MYCBP2: variants seen among roughly 807,000 people sequenced by gnomAD.
MYCBP2 encodes E3 ubiquitin-protein ligase MYCBP2.
A neutral mutation model predicts 525.3 loss-of-function variants in MYCBP2; 120 were observed. That is an observed-to-expected ratio of 0.23 (90% CI 0.20 to 0.27). The LOEUF (loss-of-function observed/expected upper bound fraction) is 0.27. MYCBP2 is among the 10% of genes least tolerant of loss of function. The pLI is 1.00. For missense variants in MYCBP2, 4,149 were observed against 5,657.1 expected (o/e 0.73, Z 8.55); for synonymous variants, 1,894 against 1,955.8 (o/e 0.97, Z 0.83).
At chr13:77,115,528 T>G (rs1214522161) in intron 55 of MYCBP2, among the ~76,000 whole-genome samples, 2 of 151,900 alleles carry the variant, frequency 1.3e-5, no homozygotes. Context: ...TTTCTACGTA[T>G]ATAAAATCAA....
intron 26 of MYCBP2, among the ~76,000 whole-genome samples, chr13:77,199,448 G>A (rs1320309432): frequency 2.0e-5 from 3 of 152,300 alleles, no homozygotes; most frequent in Non-Finnish European, 2.9e-5. Context: ...ACTGCAAGGC[G>A]GCAGCGAGGC....
In MYCBP2 at chr13:77,268,051, A is replaced by G. The variant is rs565417531; in HGVS notation, c.1261-114T>C. The G allele has an allele frequency of 3.2e-6, 2 of 624,368 alleles. 1 individual carries two copies. Among genetic ancestry groups the G allele is most frequent in the East Asian group, 5.5e-5 (2 of 36,280 alleles). 38.7% of individuals were successfully genotyped at this position (624,368 alleles called of 1,614,324 possible). On this transcript the variant is annotated intron_variant, in intron 7 of 82. Transcript: ENST00000544440. ...GAGGTACAATAATACATCAATATTG[A>G]TGTCTAAAAGATATTAATGATTAAA...
intron 20 of MYCBP2, among the ~76,000 whole-genome samples, chr13:77,224,031 G>C (rs571123957): frequency 6.6e-6 from 1 of 152,278 alleles, no homozygotes; most frequent in East Asian, 1.9e-4. Flanking sequence ...TTATTCAAAA[G>C]CTTCAATGAC....
chr13:77,166,438 T>C lies in MYCBP2; in HGVS notation c.6231A>G (p.Ser2077=). Residue 2077 remains serine, a synonymous_variant, in exon 41 of 83, where the codon TCA becomes TCG. Transcript: ENST00000544440. ...LLIPVRTVQN[S]GYGPKLTSVH... Reference sequence around the variant, plus strand: ...CAGATGTCAATTTTGGTCCATATCCTGAATTCTGAACAGTTCTGACAGGAA... The same window carrying C: ...CAGATGTCAATTTTGGTCCATATCCCGAATTCTGAACAGTTCTGACAGGAA... 6.2e-7 allele frequency: 1 copy of C among 1,614,040 alleles called. No individual in the cohort carries two copies. Among genetic ancestry groups the C allele is most frequent in the Non-Finnish European group, 8.5e-7 (1 of 1,179,908 alleles).
chr13:77,255,267 C>T (rs1443454590), intron 14 of MYCBP2, among the ~76,000 whole-genome samples: 2 of 151,936 alleles, frequency 1.3e-5, no homozygotes, highest in Admixed American at 6.6e-5. Flanking sequence ...CACATTCTCC[C>T]CAGCATCTGT....
Position 77,081,846 on chromosome 13 carries a change from A to T in MYCBP2, c.11184T>A (p.Ala3728=). The change falls in exon 64 of 83, where the codon GCT becomes GCA. Residue 3728 remains alanine (A), a synonymous_variant. Coordinates refer to ENST00000544440, the MANE Select transcript of MYCBP2 (RefSeq NM_015057.5). The surrounding 1 kb of genome is among the most constrained non-coding windows in gnomAD (Gnocchi z 4.6). ...AACTGAAATGACTGACCTGACTCAT[A>T]GCTTCAAAGCCAGACTGTATACTGA... ...FSISIQSGFE[A]MSQELCIVMC... 6.2e-7 allele frequency: 1 copy of T among 1,612,262 alleles called. No homozygotes were observed. Among genetic ancestry groups the T allele is most frequent in the Non-Finnish European group, 8.5e-7 (1 of 1,179,288 alleles).
intron 30 of MYCBP2, among the ~76,000 whole-genome samples, chr13:77,186,343 T>A (rs557614610): frequency 6.6e-6 from 1 of 152,318 alleles, no homozygotes; most frequent in African/African-American, 2.4e-5. Flanking sequence ...AATAAATTTT[T>A]CAGTGTTCCT....
chr13:77,272,434 C>T (rs2075023118), intron 5 of MYCBP2: 1 of 152,190 alleles, frequency 6.6e-6, no homozygotes, highest in Non-Finnish European at 1.5e-5. Flanking sequence ...AATTCATAAG[C>T]TCATATGTTG....
chr13:77,111,552 G>A lies in MYCBP2; in HGVS notation c.8140+9821C>T, dbSNP rs188709987. Among the ~76,000 whole-genome samples, 3 of 150,974 alleles carry A rather than the reference G, an allele frequency of 2.0e-5. No individual in the cohort carries two copies. In the Admixed American group the frequency reaches 2.0e-4, roughly 10 times the overall value. ...CTGCTTCAGCCTCCCAAGTAGCCAG[G>A]AATATAGGTGCAGCCCTCAATGCTT... On this transcript the variant is annotated intron_variant, in intron 55 of 82. Transcript: ENST00000544440.
chr13:77,107,667 G>C (rs1301728879), intron 55 of MYCBP2, among the ~76,000 whole-genome samples: 1 of 152,140 alleles, frequency 6.6e-6, no homozygotes. Context: ...GAGCCTGGGA[G>C]AGGGAGGTTG....
At chr13:77,122,891 C>T (rs2051001088) in intron 54 of MYCBP2, among the ~76,000 whole-genome samples, 1 of 152,090 alleles carries the variant, frequency 6.6e-6, no homozygotes, top group Non-Finnish European at 1.5e-5. Flanking sequence ...TACTCTTCAG[C>T]ATGCAATATT....
intron 26 of MYCBP2, among the ~76,000 whole-genome samples, chr13:77,203,023 T>G (rs2062821343): frequency 6.6e-6 from 1 of 151,030 alleles, no homozygotes; most frequent in African/African-American, 2.4e-5. Context: ...CTATTCAACA[T>G]AGTGTTGGAA....
At chr13:77,273,927 G>C (rs907635134) in intron 4 of MYCBP2, among the ~76,000 whole-genome samples, 5 of 152,062 alleles carry the variant, frequency 3.3e-5, no homozygotes, top group African/African-American at 1.2e-4. Context: ...AAACAAGCTT[G>C]CCTAGAGGCA....
At chr13:77,286,368 G>T (rs1286798146) in intron 3 of MYCBP2, among the ~76,000 whole-genome samples, 1 of 151,920 alleles carries the variant, frequency 6.6e-6, no homozygotes, top group African/African-American at 2.4e-5. Context: ...AAAGCAATAT[G>T]CATAAGTCAT....
At chr13:77,217,110 G>A (rs1233687172) in intron 21 of MYCBP2, among the ~76,000 whole-genome samples, 2 of 152,192 alleles carry the variant, frequency 1.3e-5, no homozygotes, top group African/African-American at 4.8e-5. Context: ...CAATCTTTCT[G>A]TAAGTTTGAA....
In MYCBP2 at chr13:77,263,636, A is replaced by T. The variant is rs779232939; in HGVS notation, c.1570+15T>A. 2 of 1,600,844 alleles carry T rather than the reference A, an allele frequency of 1.2e-6. No homozygotes were observed. Among genetic ancestry groups the T allele is most frequent in the South Asian group, 1.1e-5 (1 of 88,752 alleles). On this transcript the variant is annotated intron_variant, in intron 10 of 82. Transcript: ENST00000544440. ...AAATTAAAATATAGGGAAAACACTT[A>T]ATTTGCTATCTTACTTATAATATGC...
In MYCBP2 at chr13:77,093,332, C is replaced by T. The variant is rs749235738; in HGVS notation, c.10200G>A (p.Arg3400=). The T allele has an allele frequency of 2.5e-6, 4 of 1,612,228 alleles. No homozygotes were observed. In the South Asian group the frequency reaches 4.4e-5, roughly 18 times the overall value. Residue 3400 remains arginine, a splice_region_variant and synonymous_variant, in exon 59 of 83, where the codon AGG becomes AGA. Coordinates refer to ENST00000544440, the MANE Select transcript of MYCBP2 (RefSeq NM_015057.5). ...AGCCCACAAAATTTTCATGATGATG[C>T]CTGCATTAAATCAAACCCAATAACT... ...MPCLYLQTLA[R]HHHENFVGYQ...
At chr13:77,180,391 T>G (rs2060106382) in intron 33 of MYCBP2, 73 bp from the exon 34 acceptor site, 1 of 1,293,314 alleles carries the variant, frequency 7.7e-7, no homozygotes, top group South Asian at 1.4e-5. Flanking sequence ...TTGAAAACCT[T>G]GTCTTTCTGA....
chr13:77,047,631 G>A (rs184998397), intron 82 of MYCBP2, among the ~76,000 whole-genome samples: 13 of 152,124 alleles, frequency 8.5e-5, no homozygotes, highest in Non-Finnish European at 1.5e-4. Flanking sequence ...GCACCGATGA[G>A]GGAACTAGCA....
Sources: allele counts gnomAD v4.1 joint callset (sites outside exome capture counted in the v4.1 genomes callset), GRCh38; gene constraint gnomAD v4.1.1; non-coding constraint Gnocchi (gnomAD v3.1); transcripts MANE v1.5; gene names NCBI Gene and HGNC (gene_info 2026-07-23, HGNC 2026-07-21).